The following PSPH variants were observed in gnomAD, a reference collection of about 807,000 sequenced individuals.
PSPH encodes L-3-phosphoserine phosphatase.
Under a neutral mutation model 23.4 loss-of-function variants are expected in PSPH, and 16 were observed. That is an observed-to-expected ratio of 0.68 (90% CI 0.46 to 1.04). The LOEUF (loss-of-function observed/expected upper bound fraction) is 1.04, where lower values mean the gene tolerates loss of function less well. Among genes scored for constraint, PSPH ranks in the 50% least tolerant of loss-of-function variants. The pLI is 0.00. For synonymous variants in PSPH, 68 were observed against 99.7 expected (o/e 0.68, Z 1.89); for missense variants, 223 against 273.7 (o/e 0.81, Z 1.31).
intron 1 of PSPH, among the ~76,000 whole-genome samples, 181 bp downstream of exon 1, chr7:56,050,956 AT>A (rs1273210405): frequency 5.9e-5 from 9 of 152,180 alleles, no homozygotes; most frequent in African/African-American, 1.9e-4. Context: ...AGGCGGGAGG[AT>A]CACTTGAACT....
At chr7:56,045,603 C>G (rs1793116861) in intron 1 of PSPH, among the ~76,000 whole-genome samples, 1 of 151,954 alleles carries the variant, frequency 6.6e-6, no homozygotes, top group African/African-American at 2.4e-5. Flanking sequence ...AAGAAGACTC[C>G]TGGCCAGGCG....
chr7:56,036,847 C>T (rs1791792576), intron 1 of PSPH, among the ~76,000 whole-genome samples: 1 of 151,942 alleles, frequency 6.6e-6, no homozygotes, highest in African/African-American at 2.4e-5. Flanking sequence ...GGTAATCTTG[C>T]CAGACAAGGC....
At chr7:56,039,833 T>C (rs1195307529) in intron 1 of PSPH, among the ~76,000 whole-genome samples, 1 of 144,450 alleles carries the variant, frequency 6.9e-6, no homozygotes, top group African/African-American at 2.6e-5. Flanking sequence ...GCGCAGTAGC[T>C]CACGCCTGTA....
intron 1 of PSPH, among the ~76,000 whole-genome samples, chr7:56,044,133 G>A (rs1584508031): frequency 6.6e-6 from 1 of 152,058 alleles, no homozygotes; most frequent in African/African-American, 2.4e-5. Flanking sequence ...GTAGAGACGG[G>A]GTTTCTCCAT....
chr7:56,041,716 G>A (rs1176336976), intron 1 of PSPH, among the ~76,000 whole-genome samples: 6 of 151,746 alleles, frequency 4.0e-5, no homozygotes, highest in Admixed American at 1.3e-4. Flanking sequence ...TTGAGACCAG[G>A]AGTTCAAGAC....
Position 56,037,820 on chromosome 7 carries a change from C to A in PSPH, c.-291-3714G>T, listed in dbSNP as rs376122204. Among the ~76,000 whole-genome samples the A allele has an allele frequency of 4.2e-5, 6 of 143,882 alleles. No homozygotes were observed. The East Asian group carries it at 1.1e-3, about 25-fold the overall frequency. 94.4% of individuals were successfully genotyped at this position (143,882 alleles called of 152,430 possible). A position where few individuals can be genotyped will look rare whatever the true frequency, so the allele number is the denominator to read the frequency against. On this transcript the variant is annotated intron_variant, in intron 1 of 7. Coordinates refer to ENST00000275605, the MANE Select transcript of PSPH (RefSeq NM_004577.4). ...CTCTGCCTCCTGGGTTCAAGTGATTCTCCTGCCTCAGCCTCCCAAGTAGGT... is the reference window on the plus strand; with the variant it reads ...CTCTGCCTCCTGGGTTCAAGTGATTATCCTGCCTCAGCCTCCCAAGTAGGT...
chr7:56,050,719 T>C (rs2117291319), intron 1 of PSPH, among the ~76,000 whole-genome samples: 1 of 152,314 alleles, frequency 6.6e-6, no homozygotes, highest in East Asian at 1.9e-4. Context: ...AATGATTATA[T>C]TCATATGTAA....
Position 56,015,062 on chromosome 7 carries a change from A to C in PSPH, c.531T>G (p.Ile177Met). Residue 177 changes from isoleucine to methionine, a missense_variant, in exon 7 of 8, where the codon ATT becomes ATG. By Grantham distance (10) the Ile-to-Met change is conservative. Transcript: ENST00000275605. ...EKFHFKKIIM[I>M]GDGATDMEAC... is the part of the protein sequence containing the mutation. Reference sequence around the variant, plus strand: ...CTTCCATATCTGTGGCACCATCTCCAATCATGATTATTTTCTTAAAATGAA... The same window carrying C: ...CTTCCATATCTGTGGCACCATCTCCCATCATGATTATTTTCTTAAAATGAA... 6.2e-7 allele frequency: 1 copy of C among 1,614,146 alleles called. No individual in the cohort carries two copies. The highest frequency in any genetic ancestry group is 8.5e-7 in the Non-Finnish European group (1 of 1,179,994).
At chr7:56,017,426 A>G (rs753975681) in intron 5 of PSPH, 47 bp from the exon 6 acceptor site, 7 of 1,422,012 alleles carry the variant, frequency 4.9e-6, no homozygotes, top group Non-Finnish European at 5.7e-6. Flanking sequence ...ATACAAAAGA[A>G]AAAAAAAAAA....
At chr7:56,034,523 C>CT (rs1003615224) in intron 1 of PSPH, among the ~76,000 whole-genome samples, 48 of 150,018 alleles carry the variant, frequency 3.2e-4, no homozygotes, top group Middle Eastern at 6.9e-3. Flanking sequence ...TACTTATATT[C>CT]TTTTTTTTTT....
intron 1 of PSPH, among the ~76,000 whole-genome samples, chr7:56,035,067 G>A (rs566009803): frequency 6.6e-6 from 1 of 152,154 alleles, no homozygotes; most frequent in Admixed American, 6.5e-5. Flanking sequence ...CTGGCCAGGC[G>A]CGGTGGCTCA....
intron 3 of PSPH, among the ~76,000 whole-genome samples, chr7:56,027,468 G>A (rs1790364740): frequency 1.3e-5 from 2 of 152,040 alleles, no homozygotes; most frequent in African/African-American, 4.8e-5. Flanking sequence ...GCTCACGCCT[G>A]TAATCCCAGC....
chr7:56,028,668 C>T (rs1289993530), intron 3 of PSPH, among the ~76,000 whole-genome samples: 2 of 152,028 alleles, frequency 1.3e-5, no homozygotes, highest in Non-Finnish European at 2.9e-5. Flanking sequence ...GGGGAGATGG[C>T]CTTCACCCAT....
At chr7:56,039,925 C>T (rs1792287637) in intron 1 of PSPH, among the ~76,000 whole-genome samples, 1 of 151,750 alleles carries the variant, frequency 6.6e-6, no homozygotes, top group Admixed American at 6.6e-5. Flanking sequence ...GGTGAAACCC[C>T]GTATCTACTA....
intron 1 of PSPH, among the ~76,000 whole-genome samples, chr7:56,040,686 C>G (rs1180679625): frequency 1.3e-5 from 2 of 151,888 alleles, no homozygotes; most frequent in Non-Finnish European, 2.9e-5. Context: ...AGGCAGAAAT[C>G]CCATATTCAA....
chr7:56,013,360 A>G (rs567074699), intron 7 of PSPH, among the ~76,000 whole-genome samples: 1 of 152,018 alleles, frequency 6.6e-6, no homozygotes, highest in East Asian at 1.9e-4. Context: ...TCTACAAAAC[A>G]TAAACAAAAT....
At chr7:56,019,869 T>G in intron 4 of PSPH, 135 bp from the exon 5 acceptor site, 2 of 1,156,342 alleles carry the variant, frequency 1.7e-6, no homozygotes, top group Non-Finnish European at 2.5e-6. Flanking sequence ...CAGACAGGCT[T>G]TGCTACTAGG....
Position 56,012,808 on chromosome 7 carries a change from C to T in PSPH, c.571-939G>A, listed in dbSNP as rs182447876. Among the ~76,000 whole-genome samples, 1,318 of 144,824 alleles carry T rather than the reference C, an allele frequency of 9.1e-3. 14 individuals are homozygous for T. The highest frequency in any genetic ancestry group is 0.03 in the African/African-American group (1,199 of 39,744). On this transcript the variant is annotated intron_variant, in intron 7 of 7. Transcript: ENST00000275605. The stretch of plus-strand genomic sequence containing the variant: ...CGGGGTTTCACCGTGTTGCCCAGGC[C>T]GGTCTCAAACTCCTGGCCTCAGGTG...
chr7:56,024,804 C>CTT (rs11394881), intron 3 of PSPH, among the ~76,000 whole-genome samples: 5,837 of 130,066 alleles, frequency 0.045, 294 homozygotes, highest in East Asian at 0.21. Flanking sequence ...ATTAATAAAT[C>CTT]TTTTTTTTTT....
Sources: gnomAD v4.1 joint callset for allele counts (sites outside exome capture counted in the v4.1 genomes callset) on GRCh38, gnomAD v4.1.1 for gene constraint, MANE v1.5 for transcripts, NCBI Gene and HGNC (gene_info 2026-07-23, HGNC 2026-07-21) for gene names.